The following C4orf54 variants were observed in gnomAD, a reference collection of about 807,000 sequenced individuals.
C4orf54 encodes uncharacterized protein C4orf54.
In C4orf54, 67 loss-of-function variants were observed where a neutral mutation model predicts 80.1. That is an observed-to-expected ratio of 0.84 (90% CI 0.69 to 1.03). The LOEUF is 1.03. Ranked by LOEUF, C4orf54 falls within the 50% of genes least tolerant of loss-of-function variation. The pLI is 0.00. For missense variants in C4orf54, 2,434 were observed against 2,253.5 expected, an observed-to-expected ratio of 1.08 and a Z score of -1.62; for synonymous variants, 1,000 against 917.0, an observed-to-expected ratio of 1.09 and a Z score of -1.64.
intron 2 of C4orf54, among the ~76,000 whole-genome samples, chr4:99,642,830 T>C (rs1726628529): frequency 6.6e-6 from 1 of 152,190 alleles, no homozygotes; most frequent in African/African-American, 2.4e-5. Flanking sequence ...AGATTTTCCC[T>C]TTCTCCACGC....
chr4:99,655,592 C>T (rs552294088), intron 1 of C4orf54, among the ~76,000 whole-genome samples: 22 of 152,284 alleles, frequency 1.4e-4, no homozygotes, highest in Admixed American at 2.6e-4. Flanking sequence ...CCCATGGAAA[C>T]GAAGCCAAAA....
At chr4:99,655,359 A>C (rs1315150558) in intron 1 of C4orf54, among the ~76,000 whole-genome samples, 1 of 152,226 alleles carries the variant, frequency 6.6e-6, no homozygotes, top group African/African-American at 2.4e-5. Flanking sequence ...TGCCTTAATC[A>C]ATCTCAAAAA....
At chr4:99,644,394 AT>A (rs562380821) in intron 2 of C4orf54, among the ~76,000 whole-genome samples, 14 of 152,188 alleles carry the variant, frequency 9.2e-5, no homozygotes, top group African/African-American at 1.4e-4. Flanking sequence ...CCACAATGCA[AT>A]TAAAGGGAAA....
Position 99,652,991 on chromosome 4 carries a change from C to T in C4orf54, c.1658G>A (p.Ser553Asn). ...TTCAGCAGCTGTAGAGACGCGGAGGCTCATGTCGCCTTCATGCTTGGCAGC... is the reference window on the plus strand; with the variant it reads ...TTCAGCAGCTGTAGAGACGCGGAGGTTCATGTCGCCTTCATGCTTGGCAGC... ...IYAAKHEGDM[S>N]LRVSTAAEHN... The change falls in exon 2 of 3, where the codon AGC becomes AAC. Residue 553 changes from serine to asparagine, a missense_variant. By Grantham distance (46) the Ser-to-Asn change is conservative. Transcript: ENST00000511828. 1 of 1,536,168 alleles carries T rather than the reference C, an allele frequency of 6.5e-7. No individual in the cohort carries two copies. Among genetic ancestry groups the T allele is most frequent in the Non-Finnish European group, 8.7e-7 (1 of 1,146,918 alleles).
chr4:99,653,208 G>A lies in C4orf54; in HGVS notation c.1441C>T (p.Pro481Ser), dbSNP rs1438320178. 1 of 1,535,232 alleles carries A rather than the reference G, an allele frequency of 6.5e-7. No homozygotes were observed. Among genetic ancestry groups the A allele is most frequent in the Non-Finnish European group, 8.7e-7 (1 of 1,146,302 alleles). The change falls in exon 2 of 3, where the codon CCA becomes TCA. Residue 481 changes from proline (P) to serine (S), a missense_variant. Transcript: ENST00000511828. ...SGPSDSGPTP[P>S]PTGPGTAPLT... The stretch of plus-strand genomic sequence containing the variant: ...GGGGCAGTGCCAGGCCCAGTGGGTG[G>A]GGGAGTGGGGCCACTGTCAGAGGGG...
intron 1 of C4orf54, among the ~76,000 whole-genome samples, chr4:99,655,388 A>C (rs1332135992): frequency 1.3e-5 from 2 of 152,234 alleles, no homozygotes; most frequent in Non-Finnish European, 2.9e-5. Context: ...AAACTTGTAG[A>C]ACCATGGCAA....
In C4orf54 at chr4:99,650,238, G is replaced by A; in HGVS notation, c.4411C>T (p.Leu1471=). 2.0e-6 allele frequency: 3 copies of A among 1,536,102 alleles called. No homozygotes were observed. The highest frequency in any genetic ancestry group is 2.6e-6 in the Non-Finnish European group (3 of 1,146,898). Residue 1471 remains leucine, a synonymous_variant, in exon 2 of 3, where the codon CTG becomes TTG. Coordinates refer to ENST00000511828, the MANE Select transcript of C4orf54 (RefSeq NM_001354435.2). The part of the protein sequence containing the change: ...EKSNSDCENY[L]TIPLKGSSAA... Reference sequence around the variant, plus strand: ...GAGCTTCCTTTAAGAGGGATGGTCAGGTAATTCTCACAGTCACTGTTGCTC... The same window carrying A: ...GAGCTTCCTTTAAGAGGGATGGTCAAGTAATTCTCACAGTCACTGTTGCTC...
In C4orf54 at chr4:99,640,076, TC is replaced by T. The variant is rs1257064940; in HGVS notation, c.*1156del. On this transcript the variant is annotated 3_prime_UTR_variant, in exon 3 of 3. Transcript: ENST00000511828. ...TATGACAAGCTAAATATTTATCTGT[TC>T]AATCAAGTCTTCCAGTCTTCAAGAC... 2 of 152,174 alleles carry T rather than the reference TC, an allele frequency of 1.3e-5. No homozygotes were observed. The highest frequency in any genetic ancestry group is 1.3e-4 in the Admixed American group (2 of 15,278). The allele number at this position is 152,174 out of a possible 1,614,324, so 9.4% of individuals were successfully genotyped here.
chr4:99,652,862 G>A lies in C4orf54; in HGVS notation c.1787C>T (p.Ala596Val), dbSNP rs767990966. ...GTCCACCAGCTCCTTCGCCCGGATG[G>A]CCCCGCACCTGGTTTGCAGGCGAGC... ...VPARLQTRCG[A>V]IRAKELVDYS... Residue 596 changes from alanine (A) to valine (V), a missense_variant, in exon 2 of 3, where the codon GCC (alanine) becomes GTC (valine). Transcript: ENST00000511828. 13 of 1,535,970 alleles carry A rather than the reference G, an allele frequency of 8.5e-6. No homozygotes were observed. In the South Asian group the frequency reaches 1.2e-4, roughly 14 times the overall value.
In C4orf54 at chr4:99,650,586, T is replaced by C; in HGVS notation, c.4063A>G (p.Arg1355Gly). The C allele has an allele frequency of 6.5e-7, 1 of 1,536,070 alleles. No individual in the cohort carries two copies. The highest frequency in any genetic ancestry group is 8.7e-7 in the Non-Finnish European group (1 of 1,146,886). The change falls in exon 2 of 3, where the codon AGG becomes GGG. Residue 1355 changes from arginine (R) to glycine (G), a missense_variant. By Grantham distance (125) the Arg-to-Gly change is moderately radical (BLOSUM62 -2). Transcript: ENST00000511828. The part of the protein sequence containing the change: ...SNPSAESVSA[R>G]AAAFENLARE... ...GCCAGGTTCTCAAAGGCCGCTGCCCTGGCAGACACACTCTCAGCGCTGGGG... is the reference window on the plus strand; with the variant it reads ...GCCAGGTTCTCAAAGGCCGCTGCCCCGGCAGACACACTCTCAGCGCTGGGG...
In C4orf54 at chr4:99,650,539, G is replaced by A. The variant is rs1726795970; in HGVS notation, c.4110C>T (p.Leu1370=). ...ENLARERPRS[L]YIPPVHKDVE... ...CATCCTTGTGGACTGGGGGAATATA[G>A]AGAGATCGGGGTCTTTCCCTGGCCA... Residue 1370 remains leucine (L), a synonymous_variant, in exon 2 of 3, where the codon CTC becomes CTT. Coordinates refer to ENST00000511828, the MANE Select transcript of C4orf54 (RefSeq NM_001354435.2). The A allele has an allele frequency of 2.6e-6, 4 of 1,535,986 alleles. No homozygotes were observed. The highest frequency in any genetic ancestry group is 3.5e-6 in the Non-Finnish European group (4 of 1,146,922).
Position 99,652,467 on chromosome 4 carries a change from T to C in C4orf54, c.2182A>G (p.Ile728Val), listed in dbSNP as rs745476750. Residue 728 changes from isoleucine to valine, a missense_variant, in exon 2 of 3, where the codon ATC becomes GTC. Ile to Val is a conservative substitution (Grantham distance 29). Coordinates refer to ENST00000511828, the MANE Select transcript of C4orf54 (RefSeq NM_001354435.2). ...EFVVSKVEGEIKHVETPLCFQ... is the reference protein window; with the variant it reads ...EFVVSKVEGEVKHVETPLCFQ... ...CACAGGGGCGTCTCCACATGTTTGA[T>C]TTCCCCCTCGACTTTGCTGACCACG... The C allele has an allele frequency of 3.9e-6, 6 of 1,535,888 alleles. No individual in the cohort carries two copies. The South Asian group carries it at 7.1e-5, about 18-fold the overall frequency.
intron 2 of C4orf54, among the ~76,000 whole-genome samples, chr4:99,646,372 A>G (rs1421009611): frequency 6.6e-6 from 1 of 152,218 alleles, no homozygotes; most frequent in Non-Finnish European, 1.5e-5. Context: ...GAATTAGTGC[A>G]TTTTGTTGAA....
rs1726845151 is a variant in C4orf54, at chr4:99,651,986, C to T, written c.2663G>A (p.Gly888Glu). The T allele has an allele frequency of 6.5e-7, 1 of 1,536,130 alleles. No individual in the cohort carries two copies. The highest frequency in any genetic ancestry group is 1.2e-5 in the South Asian group (1 of 84,058). The change falls in exon 2 of 3, where the codon GGG (glycine) becomes GAG (glutamate). Residue 888 changes from glycine (G) to glutamate (E), a missense_variant. Transcript: ENST00000511828. ...TGGAGATTTGGAGCCCGCCACGGAC[C>T]CCTCCCCGCCCGCGTCGGACATGCT... Reference protein sequence around the residue: ...VVSMSDAGGEGSVAGSKSPVF... With the variant: ...VVSMSDAGGEESVAGSKSPVF...
intron 2 of C4orf54, among the ~76,000 whole-genome samples, chr4:99,645,853 T>C (rs747430625): frequency 2.0e-5 from 3 of 152,196 alleles, no homozygotes; most frequent in Admixed American, 1.3e-4. Flanking sequence ...ATCTGGGCAG[T>C]TGGGTCCCAG....
rs1331538919 is a variant in C4orf54, at chr4:99,652,162, C to T, written c.2487G>A (p.Met829Ile). The change falls in exon 2 of 3, where the codon ATG becomes ATA. Residue 829 changes from methionine (M) to isoleucine (I), a missense_variant. Met to Ile is a conservative substitution (Grantham distance 10). Transcript: ENST00000511828. ...KKMQREHEFK[M>I]ERGEVMDTSH... ...ATGTATCCATGACTTCTCCCCTCTC[C>T]ATTTTGAACTCGTGTTCCCGCTGCA... 2.0e-6 allele frequency: 3 copies of T among 1,536,084 alleles called. No homozygotes were observed. The Admixed American group carries it at 5.9e-5, about 30-fold the overall frequency.
Position 99,651,382 on chromosome 4 carries a change from C to T in C4orf54, c.3267G>A (p.Val1089=), listed in dbSNP as rs1726822938. Residue 1089 remains valine, a synonymous_variant, in exon 2 of 3, where the codon GTG becomes GTA. Coordinates refer to ENST00000511828, the MANE Select transcript of C4orf54 (RefSeq NM_001354435.2). ...CCTTGGACTTGTCTCTGATGTCTCT[C>T]ACCTGGAAATGGGGCACTTTTTCTA... ...DNLEKVPHFQ[V]RDIRDKSKAQ... is the part of the protein sequence containing the mutation. The T allele has an allele frequency of 6.5e-7, 1 of 1,536,232 alleles. No homozygotes were observed. The highest frequency in any genetic ancestry group is 1.4e-5 in the African/African-American group (1 of 73,154).
chr4:99,652,809 T>C lies in C4orf54; in HGVS notation c.1840A>G (p.Ser614Gly). Residue 614 changes from serine (S) to glycine (G), a missense_variant, in exon 2 of 3, where the codon AGC becomes GGC. Ser to Gly is a moderately conservative substitution (Grantham distance 56). Coordinates refer to ENST00000511828, the MANE Select transcript of C4orf54 (RefSeq NM_001354435.2). ...DYSSGASSAV[S>G]ELDDADKEVR... ...TCTTTGTCCGCATCGTCCAGTTCGC[T>C]CACGGCACTGGAGGCTCCGCTGGAG... The C allele has an allele frequency of 6.5e-7, 1 of 1,536,108 alleles. No individual in the cohort carries two copies.
chr4:99,644,243 T>C (rs1304902939), intron 2 of C4orf54, among the ~76,000 whole-genome samples: 2 of 152,234 alleles, frequency 1.3e-5, no homozygotes, highest in Admixed American at 6.5e-5. Flanking sequence ...TTCAATGATG[T>C]TAAGTCTTGG....
Sources: gnomAD v4.1 joint callset for allele counts (sites outside exome capture counted in the v4.1 genomes callset) on GRCh38, gnomAD v4.1.1 for gene constraint, MANE v1.5 for transcripts, NCBI Gene and HGNC (gene_info 2026-07-23, HGNC 2026-07-21) for gene names.